Variants in PHYHIPL observed in about 807,000 individuals in gnomAD.
The protein encoded by PHYHIPL is phytanoyl-CoA hydroxylase-interacting protein-like.
Under a neutral mutation model 33.4 loss-of-function variants are expected in PHYHIPL, and 9 were observed. That is an observed-to-expected ratio of 0.27 (90% CI 0.16 to 0.47). The LOEUF is 0.47. PHYHIPL is among the 20% of genes least tolerant of loss of function. PHYHIPL has a pLI of 0.99. For synonymous variants in PHYHIPL, 153 were observed against 154.1 expected, an observed-to-expected ratio of 0.99 and a Z score of 0.05; for missense variants, 365 against 460.7, an observed-to-expected ratio of 0.79 and a Z score of 1.90.
intron 1 of PHYHIPL, 76 bp from the exon 2 acceptor site, chr10:59,234,228 A>G (rs1330031709): frequency 1.3e-5 from 15 of 1,182,486 alleles, no homozygotes; most frequent in African/African-American, 8.2e-5. Context: ...TTTATTGGTA[A>G]TAAATCCATT....
chr10:59,187,537 A>G (rs1162488561), intron 1 of PHYHIPL, among the ~76,000 whole-genome samples: 1 of 152,200 alleles, frequency 6.6e-6, no homozygotes, highest in Non-Finnish European at 1.5e-5. Context: ...TTCAGAGGAA[A>G]TGGTACCAGC....
At chr10:59,204,923 G>A (rs1164935963) in intron 1 of PHYHIPL, among the ~76,000 whole-genome samples, 1 of 147,594 alleles carries the variant, frequency 6.8e-6, no homozygotes, top group Admixed American at 6.9e-5. Flanking sequence ...GGAGTGCAGT[G>A]GTGTGATCTT....
rs1840631261 is a variant in PHYHIPL, at chr10:59,245,626, C to T, written c.*35C>T. On this transcript the variant is annotated 3_prime_UTR_variant, in exon 5 of 5. Transcript: ENST00000373880. ...TTCTTATTCTTACTCAGCCCCTTTTCCTCCCTTAGGAGCATTGGTCCTCTG... is the reference window on the plus strand; with the variant it reads ...TTCTTATTCTTACTCAGCCCCTTTTTCTCCCTTAGGAGCATTGGTCCTCTG... The T allele has an allele frequency of 1.9e-6, 3 of 1,546,244 alleles. No individual in the cohort carries two copies. In the African/African-American group the frequency reaches 4.1e-5, roughly 21 times the overall value.
intron 1 of PHYHIPL, among the ~76,000 whole-genome samples, chr10:59,212,126 A>C (rs941076517): frequency 6.6e-6 from 1 of 152,160 alleles, no homozygotes; most frequent in Non-Finnish European, 1.5e-5. Flanking sequence ...CAGCCCCCTC[A>C]CCATGTGATG....
At chr10:59,244,732 C>T (rs1840585933) in intron 4 of PHYHIPL, among the ~76,000 whole-genome samples, 1 of 152,086 alleles carries the variant, frequency 6.6e-6, no homozygotes, top group Non-Finnish European at 1.5e-5. Context: ...ACTTCTGAAA[C>T]CCAGTTGGCA....
chr10:59,207,612 C>G (rs902546175), intron 1 of PHYHIPL, among the ~76,000 whole-genome samples: 18 of 152,170 alleles, frequency 1.2e-4, no homozygotes, highest in African/African-American at 4.1e-4. Context: ...GCAGCAGCGG[C>G]CAGGCACGGT....
chr10:59,177,728 C>A, intron 1 of PHYHIPL: 1 of 1,311,726 alleles, frequency 7.6e-7, no homozygotes, highest in Non-Finnish European at 1.1e-6. Flanking sequence ...AAGACATAAG[C>A]TAGTGCTGTG....
chr10:59,189,416 G>C (rs893117233), intron 1 of PHYHIPL, among the ~76,000 whole-genome samples: 42 of 151,978 alleles, frequency 2.8e-4, no homozygotes, highest in African/African-American at 9.7e-4. Flanking sequence ...CTTGTGGGTA[G>C]ACCACATTTT....
chr10:59,182,540 A>T (rs1838439090), intron 1 of PHYHIPL, among the ~76,000 whole-genome samples: 1 of 152,000 alleles, frequency 6.6e-6, no homozygotes, highest in Admixed American at 6.6e-5. Context: ...ATGGGGTTTC[A>T]CCATGTTGGC....
At chr10:59,221,613 T>C in intron 1 of PHYHIPL, 4 of 906,860 alleles carry the variant, frequency 4.4e-6, no homozygotes, top group Non-Finnish European at 5.3e-6. Context: ...GAAGCCTTAA[T>C]TTTGTGCTGC....
At chr10:59,197,986 A>G (rs1434635086) in intron 1 of PHYHIPL, among the ~76,000 whole-genome samples, 3 of 152,206 alleles carry the variant, frequency 2.0e-5, no homozygotes, top group East Asian at 3.9e-4. Context: ...GAGCACAGAG[A>G]TAGAATGGGC....
chr10:59,177,041 C>A (rs1838270337), intron 1 of PHYHIPL, 82 bp downstream of exon 1: 1 of 1,234,636 alleles, frequency 8.1e-7, no homozygotes, highest in South Asian at 1.3e-5. Context: ...CGACGCCGCT[C>A]GCCAGGGCGG....
chr10:59,176,761 C>T lies in PHYHIPL; in HGVS notation c.-93C>T. ...TCCCAGGCCTCCTTCCCTCCCTCTG[C>T]CACTCCCCCTCCCTTTCCCGCTCTT... On this transcript the variant is annotated 5_prime_UTR_variant, in exon 1 of 5. Transcript: ENST00000373880. 1 of 1,166,434 alleles carries T rather than the reference C, an allele frequency of 8.6e-7. No individual in the cohort carries two copies. The highest frequency in any genetic ancestry group is 1.2e-6 in the Non-Finnish European group (1 of 823,924). 72.3% of individuals were successfully genotyped at this position (1,166,434 alleles called of 1,614,324 possible).
intron 1 of PHYHIPL, among the ~76,000 whole-genome samples, chr10:59,185,650 C>A (rs1431115802): frequency 1.3e-5 from 2 of 152,134 alleles, no homozygotes. Flanking sequence ...TTTTAATGAT[C>A]GCCATTCTAA....
In PHYHIPL at chr10:59,245,383, A is replaced by G. The variant is rs778702395; in HGVS notation, c.923A>G (p.Asn308Ser). Residue 308 changes from asparagine (N) to serine (S), a missense_variant, in exon 5 of 5, where the codon AAT becomes AGT. Around this residue, in one of 4 missense-constraint regions of PHYHIPL, gnomAD observed 196 missense variants for 224.9 expected, o/e 0.87. Coordinates refer to ENST00000373880, the MANE Select transcript of PHYHIPL (RefSeq NM_032439.4). The stretch of plus-strand genomic sequence containing the variant: ...CTTCCTCAACTAAATTCTAAGGATA[A>G]TAAATTTTTGACCTGTACAGAAGAA... ...QRLPQLNSKD[N>S]KFLTCTEEDG... 1.1e-5 allele frequency: 17 copies of G among 1,614,168 alleles called. No individual in the cohort carries two copies. Among genetic ancestry groups the G allele is most frequent in the Non-Finnish European group, 1.4e-5 (16 of 1,180,012 alleles).
chr10:59,183,748 T>G (rs1050297552), intron 1 of PHYHIPL: 8 of 841,290 alleles, frequency 9.5e-6, no homozygotes, highest in Non-Finnish European at 1.0e-5. Context: ...ATTTGAGCCA[T>G]GTAGTGGCTC....
chr10:59,190,930 A>AT (rs1838766287), intron 1 of PHYHIPL, among the ~76,000 whole-genome samples: 1 of 151,916 alleles, frequency 6.6e-6, no homozygotes, highest in South Asian at 2.1e-4. Context: ...ATCCAAAACT[A>AT]TTTTTTAAAT....
rs576069696 is a variant in PHYHIPL, at chr10:59,177,544, T to A, written c.106+585T>A. 4.5e-6 allele frequency: 7 copies of A among 1,551,722 alleles called. No homozygotes were observed. The South Asian group carries it at 8.3e-5, about 18-fold the overall frequency. ...GCACCAAGGACAGACACAATCTTCA[T>A]GGTTCCTGGGCTCTGAGTCAGACTG... On this transcript the variant is annotated intron_variant, in intron 1 of 4. Transcript: ENST00000373880.
At chr10:59,209,007 G>C (rs1416654752) in intron 1 of PHYHIPL, among the ~76,000 whole-genome samples, 1 of 152,116 alleles carries the variant, frequency 6.6e-6, no homozygotes, top group Non-Finnish European at 1.5e-5. Context: ...CACTCTTCAG[G>C]ATATTATCCA....
Sources: gnomAD v4.1 joint callset for allele counts (sites outside exome capture counted in the v4.1 genomes callset) on GRCh38, gnomAD v4.1.1 for gene constraint, gnomAD v4.1.1 regional missense constraint, MANE v1.5 for transcripts, NCBI Gene and HGNC (gene_info 2026-07-23, HGNC 2026-07-21) for gene names.